Variants in DNAH11 observed in about 807,000 individuals in gnomAD.
DNAH11 encodes dynein axonemal heavy chain 11.
A neutral mutation model predicts 526.0 loss-of-function variants in DNAH11; 442 were observed. The ratio of observed to expected loss-of-function variants is 0.84; its 90% CI spans 0.78 to 0.91. The LOEUF is 0.91. Ranked by LOEUF, DNAH11 falls within the 40% of genes least tolerant of loss-of-function variation. The probability of loss-of-function intolerance (pLI) is 0.00; values close to 1 mark genes in which losing one functional copy is unlikely to be tolerated. For synonymous variants in DNAH11, 2,461 were observed against 1,935.9 expected, an observed-to-expected ratio of 1.27 and a Z score of -7.12; for missense variants, 6,989 against 5,448.7, an observed-to-expected ratio of 1.28 and a Z score of -8.90.
At chr7:21,621,330 A>G (rs1160788649) in intron 25 of DNAH11, among the ~76,000 whole-genome samples, 1 of 152,242 alleles carries the variant, frequency 6.6e-6, no homozygotes, top group Non-Finnish European at 1.5e-5. Flanking sequence ...GCAATAATCA[A>G]TAGCTTACCA....
At chr7:21,744,107 C>G (rs572687129) in intron 49 of DNAH11, among the ~76,000 whole-genome samples, 1 of 152,280 alleles carries the variant, frequency 6.6e-6, no homozygotes, top group Non-Finnish European at 1.5e-5. Context: ...CTGTGACTTT[C>G]ATGTTAGCTG....
chr7:21,808,059 G>T lies in DNAH11; in HGVS notation c.10332+10G>T. ...CTTTCTTCAACAGAAGGTAAGTTCAGTTCCTTACCTTGTCAGCAGGTAGAA... is the reference window on the plus strand; with the variant it reads ...CTTTCTTCAACAGAAGGTAAGTTCATTTCCTTACCTTGTCAGCAGGTAGAA... On this transcript the variant is annotated intron_variant, in intron 63 of 81. Coordinates refer to ENST00000409508, the MANE Select transcript of DNAH11 (RefSeq NM_001277115.2). 6.8e-7 allele frequency: 1 copy of T among 1,461,062 alleles called. No homozygotes were observed. The highest frequency in any genetic ancestry group is 9.2e-7 in the Non-Finnish European group (1 of 1,089,912). 90.5% of individuals were successfully genotyped at this position (1,461,062 alleles called of 1,614,324 possible). A position where few individuals can be genotyped will look rare whatever the true frequency, so the allele number is the denominator to read the frequency against.
rs1339437057 is a variant in DNAH11, at chr7:21,690,430, T to C, written c.5925-335T>C. Among the ~76,000 whole-genome samples the C allele has an allele frequency of 2.6e-5, 4 of 152,318 alleles. No individual in the cohort carries two copies. In the South Asian group the frequency reaches 6.2e-4, roughly 24 times the overall value. On this transcript the variant is annotated intron_variant, in intron 34 of 81. Coordinates refer to ENST00000409508, the MANE Select transcript of DNAH11 (RefSeq NM_001277115.2). Reference sequence around the variant, plus strand: ...TCTATGCAGCATCCCATTCAAGGAATTGCAGCCCATGTTGAAGGTAAAAAT... The same window carrying C: ...TCTATGCAGCATCCCATTCAAGGAACTGCAGCCCATGTTGAAGGTAAAAAT...
At chr7:21,551,912 T>C (rs983026221) in intron 2 of DNAH11, among the ~76,000 whole-genome samples, 27 of 152,240 alleles carry the variant, frequency 1.8e-4, no homozygotes, top group African/African-American at 5.8e-4. Context: ...TCTGAGAATC[T>C]GTTAACTATC....
chr7:21,670,976 C>G (rs1782620366), intron 30 of DNAH11, among the ~76,000 whole-genome samples: 1 of 151,678 alleles, frequency 6.6e-6, no homozygotes, highest in Non-Finnish European at 1.5e-5. Flanking sequence ...CTGTAATTTT[C>G]TTTTTCTATG....
At chr7:21,555,407 G>A (rs751940640) in intron 2 of DNAH11, among the ~76,000 whole-genome samples, 6 of 152,152 alleles carry the variant, frequency 3.9e-5, no homozygotes, top group Non-Finnish European at 8.8e-5. Context: ...TGGCCCATAG[G>A]CCTAGAATTT....
chr7:21,861,382 C>A, intron 68 of DNAH11, among the ~76,000 whole-genome samples: 1 of 152,148 alleles, frequency 6.6e-6, no homozygotes. Context: ...ACCTACTCCC[C>A]CAAAAATGTA....
Position 21,683,948 on chromosome 7 carries a change from AC to A in DNAH11, c.5621+5del, listed in dbSNP as rs1258435884. The A allele has an allele frequency of 1.9e-6, 3 of 1,612,574 alleles. No homozygotes were observed. The African/African-American group carries it at 4.0e-5, about 22-fold the overall frequency. ...TGATCACTCCTCTAACTGACAGGTA[AC>A]AATTCAAAGTTTCCGTCCAGATAGG... On this transcript the variant is annotated splice_donor_5th_base_variant and intron_variant, in intron 32 of 81. Coordinates refer to ENST00000409508, the MANE Select transcript of DNAH11 (RefSeq NM_001277115.2).
intron 65 of DNAH11, among the ~76,000 whole-genome samples, chr7:21,831,716 A>G (rs759797574): frequency 6.6e-6 from 1 of 152,214 alleles, no homozygotes; most frequent in Non-Finnish European, 1.5e-5. Context: ...GATATGCAAG[A>G]GAGACACAGA....
intron 73 of DNAH11, among the ~76,000 whole-genome samples, chr7:21,872,135 A>AAAAAAAAAAAAAAAC (rs1783523363): frequency 7.3e-6 from 1 of 137,242 alleles, no homozygotes; most frequent in African/African-American, 2.9e-5. Context: ...AAAAAAAAAA[A>AAAAAAAAAAAAAAAC]AAAAAAAAAA....
rs770237036 is a variant in DNAH11 at position 21,866,458 on chromosome 7, A to G, written c.11497-12A>G. 1.4e-5 allele frequency: 22 copies of G among 1,603,520 alleles called. No individual in the cohort carries two copies. The highest frequency in any genetic ancestry group is 2.7e-5 in the African/African-American group (2 of 74,204). Reference sequence around the variant, plus strand: ...TCACACCATTCCTACTTGTTTCCCTATCATATTACAGGCAATTGCCGTCAT... The same window carrying G: ...TCACACCATTCCTACTTGTTTCCCTGTCATATTACAGGCAATTGCCGTCAT... On this transcript the variant is annotated splice_polypyrimidine_tract_variant and intron_variant, in intron 70 of 81. Transcript: ENST00000409508.
intron 75 of DNAH11, 125 bp from the exon 76 acceptor site, chr7:21,884,166 C>T (rs1464880874): frequency 4.0e-6 from 3 of 755,250 alleles, no homozygotes; most frequent in Non-Finnish European, 5.7e-6. Flanking sequence ...TTCTGAAGCA[C>T]CTTTAAATCC....
chr7:21,810,096 A>T (rs1236693003), intron 63 of DNAH11, among the ~76,000 whole-genome samples: 19 of 152,234 alleles, frequency 1.2e-4, no homozygotes. Context: ...TTTTTAAAAG[A>T]CTACTTTCAG....
chr7:21,827,352 T>C (rs985836568), intron 65 of DNAH11, among the ~76,000 whole-genome samples: 1 of 152,178 alleles, frequency 6.6e-6, no homozygotes, highest in Non-Finnish European at 1.5e-5. Context: ...ATTAGAGAAG[T>C]TGCTGATCTG....
At chr7:21,732,070 G>T (rs550021477) in intron 45 of DNAH11, among the ~76,000 whole-genome samples, 58 of 152,250 alleles carry the variant, frequency 3.8e-4, no homozygotes, top group Non-Finnish European at 1.8e-4. Context: ...AACATACCTC[G>T]CCCAGGTTAA....
Position 21,600,417 on chromosome 7 carries a change from C to G in DNAH11, c.3001-259C>G, listed in dbSNP as rs569278921. Reference sequence around the variant, plus strand: ...AGGCTGCAGTGAGCTATGATTAAGCCAGTGCACTCCAGCTTGAGTGACAAA... The same window carrying G: ...AGGCTGCAGTGAGCTATGATTAAGCGAGTGCACTCCAGCTTGAGTGACAAA... On this transcript the variant is annotated intron_variant, in intron 15 of 81. Transcript: ENST00000409508. 4.6e-5 allele frequency among the ~76,000 whole-genome samples: 7 copies of G among 152,120 alleles called. No individual in the cohort carries two copies. In the South Asian group the frequency reaches 1.5e-3, roughly 32 times the overall value.
At position 21,564,335 on chromosome 7, in the gene DNAH11, T is replaced by C; in HGVS notation, c.1132T>C (p.Tyr378His). ...ICLIWSHSKFYNTPARVIVLL... is the reference protein window; with the variant it reads ...ICLIWSHSKFHNTPARVIVLL... ...TCTGATCTGGAGTCATTCCAAGTTTTATAACACCCCAGCTCGGGTTATAGT... is the reference window on the plus strand; with the variant it reads ...TCTGATCTGGAGTCATTCCAAGTTTCATAACACCCCAGCTCGGGTTATAGT... Residue 378 changes from tyrosine (Y) to histidine (H), a missense_variant, in exon 6 of 82, where the codon TAT becomes CAT. Physicochemically the swap from Tyr to His is moderately conservative, Grantham distance 83. Transcript: ENST00000409508. 1 of 1,613,666 alleles carries C rather than the reference T, an allele frequency of 6.2e-7. No individual in the cohort carries two copies. Among genetic ancestry groups the C allele is most frequent in the South Asian group, 1.1e-5 (1 of 91,070 alleles).
At chr7:21,670,001 T>C (rs547085234) in intron 30 of DNAH11, among the ~76,000 whole-genome samples, 3 of 152,204 alleles carry the variant, frequency 2.0e-5, no homozygotes, top group African/African-American at 7.2e-5. Flanking sequence ...TCCCCAAGAT[T>C]GTTTTGACTG....
At chr7:21,618,535 G>A (rs541256924) in intron 23 of DNAH11, 2 of 157,116 alleles carry the variant, frequency 1.3e-5, no homozygotes, top group South Asian at 2.0e-4. Flanking sequence ...GAGAGTCAAT[G>A]TGAGAGAAGG....
Sources: gnomAD v4.1 joint callset for allele counts (sites outside exome capture counted in the v4.1 genomes callset) on GRCh38, gnomAD v4.1.1 for gene constraint, MANE v1.5 for transcripts, NCBI Gene and HGNC (gene_info 2026-07-23, HGNC 2026-07-21) for gene names.